The following PDE10A variants were observed in gnomAD, a reference collection of about 807,000 sequenced individuals.
The protein encoded by PDE10A is cAMP and cAMP-inhibited cGMP 3',5'-cyclic phosphodiesterase 10A.
In PDE10A, 39 loss-of-function variants were observed where a neutral mutation model predicts 97.7. That is an observed-to-expected ratio of 0.40 (90% CI 0.31 to 0.52). PDE10A has a LOEUF of 0.52. PDE10A is among the 20% of genes least tolerant of loss of function. The pLI is 0.56. For synonymous variants in PDE10A, 371 were observed against 376.8 expected (o/e 0.98, Z 0.18); for missense variants, 731 against 1,047.8 (o/e 0.70, Z 4.17).
chr6:165,490,800 C>T (rs1362743424), intron 2 of PDE10A, among the ~76,000 whole-genome samples: 2 of 152,070 alleles, frequency 1.3e-5, no homozygotes, highest in Non-Finnish European at 2.9e-5. Context: ...ACTAAAAATA[C>T]ACATATTAGC....
At chr6:165,537,968 C>T (rs1027372082) in intron 2 of PDE10A, among the ~76,000 whole-genome samples, 7 of 151,842 alleles carry the variant, frequency 4.6e-5, no homozygotes, top group African/African-American at 1.7e-4. Flanking sequence ...CTTACTAAAC[C>T]TTCCAACACC....
chr6:165,450,663 C>G (rs1429441815), intron 3 of PDE10A, among the ~76,000 whole-genome samples: 1 of 152,050 alleles, frequency 6.6e-6, no homozygotes, highest in African/African-American at 2.4e-5. Context: ...TGGGCCCATC[C>G]TCCCACCTCA....
intron 2 of PDE10A, among the ~76,000 whole-genome samples, chr6:165,494,049 C>CA (rs1475588150): frequency 1.3e-5 from 2 of 151,284 alleles, no homozygotes; most frequent in South Asian, 2.1e-4. Flanking sequence ...TACAAATGGC[C>CA]AAAAAACGTA....
chr6:165,399,840 C>G (rs538086759), intron 13 of PDE10A, among the ~76,000 whole-genome samples: 1 of 152,314 alleles, frequency 6.6e-6, no homozygotes, highest in African/African-American at 2.4e-5. Context: ...GGACATGTGG[C>G]TTGGTTCCAA....
intron 1 of PDE10A, among the ~76,000 whole-genome samples, chr6:165,738,632 G>A (rs886487578): frequency 4.0e-5 from 6 of 151,884 alleles, no homozygotes; most frequent in African/African-American, 1.5e-4. Flanking sequence ...CCCACTAACA[G>A]TGTAAAAGTG....
chr6:165,937,579 T>C (rs971874124), intron 1 of PDE10A, among the ~76,000 whole-genome samples: 1 of 152,246 alleles, frequency 6.6e-6, no homozygotes, highest in African/African-American at 2.4e-5. Flanking sequence ...GGTACATGTC[T>C]TGACATCTTT....
At chr6:165,396,522 C>T (rs1786175588) in intron 13 of PDE10A, 63 bp from the exon 14 acceptor site, 14 of 1,492,808 alleles carry the variant, frequency 9.4e-6, no homozygotes, top group East Asian at 6.8e-5. Flanking sequence ...TGTTTTGTCA[C>T]GGAAGTTCAG....
At chr6:165,544,248 T>G (rs1024180987) in intron 1 of PDE10A, among the ~76,000 whole-genome samples, 4 of 152,260 alleles carry the variant, frequency 2.6e-5, no homozygotes, top group Non-Finnish European at 5.9e-5. Context: ...GTGGTATAAC[T>G]AATGTTCAGT....
intron 1 of PDE10A, among the ~76,000 whole-genome samples, chr6:165,687,446 A>G (rs976027372): frequency 6.6e-6 from 1 of 152,234 alleles, no homozygotes; most frequent in African/African-American, 2.4e-5. Flanking sequence ...AAAAAGTTTC[A>G]GCTCTGAACT....
chr6:165,761,147 CACTGTTTCTCTTTCCTTT>C (rs1562722907), intron 1 of PDE10A, among the ~76,000 whole-genome samples: 11 of 152,158 alleles, frequency 7.2e-5, no homozygotes, highest in Admixed American at 3.3e-4. Context: ...TGTTGGGAGT[CACTGTTTCTCTTTCCTTT>C]TCTTTTCTCC....
At chr6:165,454,873 T>C (rs1777857585) in intron 3 of PDE10A, among the ~76,000 whole-genome samples, 1 of 152,190 alleles carries the variant, frequency 6.6e-6, no homozygotes, top group Non-Finnish European at 1.5e-5. Context: ...TCTGACTTGA[T>C]GACCACAAGA....
chr6:165,634,649 A>C (rs927361309), intron 1 of PDE10A, among the ~76,000 whole-genome samples: 2 of 152,248 alleles, frequency 1.3e-5, no homozygotes, highest in African/African-American at 4.8e-5. Context: ...CACACGCCAC[A>C]AAAGTGACAC....
At chr6:165,942,593 G>A (rs1322694274) in intron 1 of PDE10A, among the ~76,000 whole-genome samples, 1 of 152,052 alleles carries the variant, frequency 6.6e-6, no homozygotes, top group South Asian at 2.1e-4. Context: ...CCCCGCTCTC[G>A]GGCCTCTGCT....
intron 1 of PDE10A, among the ~76,000 whole-genome samples, chr6:165,608,062 G>GTA (rs950404218): frequency 2.3e-4 from 33 of 145,950 alleles, no homozygotes; most frequent in East Asian, 7.9e-4. Flanking sequence ...GTATATATAT[G>GTA]TATATATATA....
Position 165,450,238 on chromosome 6 carries a change from T to G in PDE10A, c.1144+4A>C, listed in dbSNP as rs1355808369. ...TTCTAACAGGAACACAAAATGCTTC[T>G]TACCTATTTTAATGATGCTGCTCAG... is the stretch of plus-strand genomic sequence containing the variant. On this transcript the variant is annotated splice_donor_region_variant and intron_variant, in intron 4 of 21. Coordinates refer to ENST00000539869, the MANE Select transcript of PDE10A (RefSeq NM_001385079.1). 3 of 1,538,782 alleles carry G rather than the reference T, an allele frequency of 1.9e-6. No individual in the cohort carries two copies. The highest frequency in any genetic ancestry group is 1.4e-5 in the African/African-American group (1 of 72,778).
intron 18 of PDE10A, among the ~76,000 whole-genome samples, chr6:165,366,803 C>T (rs1783799608): frequency 2.0e-5 from 3 of 152,192 alleles, no homozygotes; most frequent in African/African-American, 7.2e-5. Context: ...ATGGAACCAC[C>T]CAACTAAAGC....
rs539106678 is a variant in PDE10A at position 165,817,869 on chromosome 6, A to G, written c.-615+169660T>C. ...CAAGGTCCTACGCATCCAATTCTTA[A>G]GTGCGGTAGAATGTTAATATTTGCA... On this transcript the variant is annotated intron_variant, in intron 1 of 19. Coordinates refer to the PDE10A transcript ENST00000366882. Among the ~76,000 whole-genome samples, 20 of 152,346 alleles carry G rather than the reference A, an allele frequency of 1.3e-4. No individual in the cohort carries two copies. In the South Asian group the frequency reaches 3.9e-3, roughly 30 times the overall value.
intron 2 of PDE10A, among the ~76,000 whole-genome samples, chr6:165,483,987 C>T (rs1779753201): frequency 6.6e-6 from 1 of 152,166 alleles, no homozygotes; most frequent in Admixed American, 6.5e-5. Flanking sequence ...AAAAAATTTA[C>T]CTATGGCTGA....
chr6:165,702,060 A>G (rs1298363378), intron 1 of PDE10A, among the ~76,000 whole-genome samples: 3 of 152,260 alleles, frequency 2.0e-5, no homozygotes, highest in Admixed American at 1.3e-4. Flanking sequence ...GGGCCAGGTC[A>G]GCTATGTTAC....
Sources: allele counts gnomAD v4.1 joint callset (sites outside exome capture counted in the v4.1 genomes callset), GRCh38; gene constraint gnomAD v4.1.1; transcripts MANE v1.5; gene names NCBI Gene and HGNC (gene_info 2026-07-23, HGNC 2026-07-21).